GASK1A: variants seen among roughly 807,000 people sequenced by gnomAD.
GASK1A encodes golgi associated kinase 1A.
GASK1A carries 40 observed loss-of-function variants against 41.2 expected under a neutral mutation model. The observed-to-expected ratio is 0.97, with a 90% CI of 0.75 to 1.27. GASK1A has a LOEUF of 1.27. GASK1A is among the 50% of genes most tolerant of loss of function. GASK1A has a pLI of 0.00. For synonymous variants in GASK1A, 316 were observed against 307.1 expected, an observed-to-expected ratio of 1.03 and a Z score of -0.30; for missense variants, 678 against 745.1, an observed-to-expected ratio of 0.91 and a Z score of 1.05.
intron 1 of GASK1A, among the ~76,000 whole-genome samples, chr3:43,030,656 C>G (rs530844520): frequency 1.7e-4 from 26 of 152,234 alleles, no homozygotes; most frequent in Non-Finnish European, 3.5e-4. Context: ...GGCCCCTGCT[C>G]TCTATTTCAT....
At chr3:43,019,456 GC>G (rs2089510581) in intron 1 of GASK1A, among the ~76,000 whole-genome samples, 1 of 152,210 alleles carries the variant, frequency 6.6e-6, no homozygotes, top group Admixed American at 6.5e-5. Flanking sequence ...ATCAAGGAAA[GC>G]AGGGTTGCCT....
chr3:43,016,007 G>A (rs1236248979), intron 1 of GASK1A, among the ~76,000 whole-genome samples: 1 of 151,218 alleles, frequency 6.6e-6, no homozygotes, highest in African/African-American at 2.4e-5. Context: ...GGTTTGGGAA[G>A]TCACATGGAG....
In GASK1A at chr3:43,006,231, G is replaced by A. The variant is rs975255874; in HGVS notation, c.4-26036G>A. Reference sequence around the variant, plus strand: ...CTTTCTTGGTCGGTGCACAGCCGTTGGCTTAGGATCCTCCTTTCCCAGCAT... The same window carrying A: ...CTTTCTTGGTCGGTGCACAGCCGTTAGCTTAGGATCCTCCTTTCCCAGCAT... On this transcript the variant is annotated intron_variant, in intron 1 of 4. Coordinates refer to ENST00000430121, the MANE Select transcript of GASK1A (RefSeq NM_001129908.3). Among the ~76,000 whole-genome samples the A allele has an allele frequency of 2.6e-5, 4 of 152,120 alleles. No individual in the cohort carries two copies. The South Asian group carries it at 6.2e-4, about 24-fold the overall frequency.
chr3:43,021,665 A>T (rs921181660), intron 1 of GASK1A, among the ~76,000 whole-genome samples: 12 of 152,142 alleles, frequency 7.9e-5, no homozygotes, highest in Admixed American at 7.2e-4. Flanking sequence ...TCCTGGAGGG[A>T]GAAGATATCT....
chr3:42,991,055 G>T (rs1360920528), intron 1 of GASK1A, among the ~76,000 whole-genome samples: 1 of 152,154 alleles, frequency 6.6e-6, no homozygotes, highest in Non-Finnish European at 1.5e-5. Flanking sequence ...AAGCAGTGGG[G>T]GTGGGGGCCA....
At chr3:42,981,808 T>C (rs142451027) in intron 1 of GASK1A, among the ~76,000 whole-genome samples, 3 of 152,366 alleles carry the variant, frequency 2.0e-5, no homozygotes, top group Admixed American at 2.0e-4. Context: ...TGATAGATGC[T>C]ATATCATTTC....
At chr3:42,997,637 T>C (rs2125675922) in intron 1 of GASK1A, among the ~76,000 whole-genome samples, 1 of 152,328 alleles carries the variant, frequency 6.6e-6, no homozygotes, top group African/African-American at 2.4e-5. Context: ...TCTCCTCTTC[T>C]TCCCCCTCAT....
In GASK1A at chr3:43,056,573, T is replaced by G; in HGVS notation, c.*187T>G. ...CAATCTCAAAGCGTCCCTTTCTGCC[T>G]TCTCGGCTCTGGCTATTTATTCCCT... On this transcript the variant is annotated 3_prime_UTR_variant, in exon 5 of 5. Transcript: ENST00000430121. The G allele has an allele frequency of 1.8e-6, 1 of 545,458 alleles. No individual in the cohort carries two copies. Among genetic ancestry groups the G allele is most frequent in the Non-Finnish European group, 3.3e-6 (1 of 306,982 alleles). 33.8% of individuals were successfully genotyped at this position (545,458 alleles called of 1,614,324 possible). A position where few individuals can be genotyped will look rare whatever the true frequency, so the allele number is the denominator to read the frequency against.
intron 2 of GASK1A, among the ~76,000 whole-genome samples, chr3:43,042,865 A>G (rs2089644837): frequency 6.6e-6 from 1 of 152,298 alleles, no homozygotes; most frequent in East Asian, 1.9e-4. Flanking sequence ...GAAGCAGTCT[A>G]GGTGTTCCCT....
intron 1 of GASK1A, among the ~76,000 whole-genome samples, chr3:43,020,895 C>T (rs1357892782): frequency 6.6e-6 from 1 of 152,246 alleles, no homozygotes; most frequent in Non-Finnish European, 1.5e-5. Context: ...AAGCAAGTCA[C>T]ATGGCCAAAG....
At chr3:43,006,980 C>T (rs540197426) in intron 1 of GASK1A, among the ~76,000 whole-genome samples, 2 of 151,862 alleles carry the variant, frequency 1.3e-5, no homozygotes, top group Non-Finnish European at 2.9e-5. Context: ...GTTGTGTACC[C>T]CTCAGTATCA....
chr3:42,986,859 G>T (rs918719132), intron 1 of GASK1A, among the ~76,000 whole-genome samples: 41 of 152,172 alleles, frequency 2.7e-4, no homozygotes, highest in African/African-American at 7.0e-4. Flanking sequence ...AGATGTTTGG[G>T]CAGGAGAACC....
intron 1 of GASK1A, among the ~76,000 whole-genome samples, chr3:42,985,584 TGTGG>T: frequency 7.3e-6 from 1 of 136,328 alleles, no homozygotes; most frequent in East Asian, 2.4e-4. Flanking sequence ...TGTGTGTGTG[TGTGG>T]GCGGAGGCAG....
chr3:43,050,296 C>G (rs2089682987), intron 2 of GASK1A, among the ~76,000 whole-genome samples: 2 of 152,066 alleles, frequency 1.3e-5, no homozygotes, highest in African/African-American at 4.8e-5. Context: ...ATATAAAATT[C>G]TTGGTTGACA....
chr3:43,033,646 A>G lies in GASK1A; in HGVS notation c.1290+93A>G, dbSNP rs2089591448. The stretch of plus-strand genomic sequence containing the variant: ...ATTGCCCACCTGAGGTTAGATGGTG[A>G]CTCTCCCCCAAGTCTTGGTTTTTTG... On this transcript the variant is annotated intron_variant, in intron 2 of 4. Transcript: ENST00000430121. 1.5e-5 allele frequency: 18 copies of G among 1,171,894 alleles called. No individual in the cohort carries two copies. The South Asian group carries it at 2.0e-4, about 13-fold the overall frequency. The allele number at this position is 1,171,894 out of a possible 1,614,324, so 72.6% of individuals were successfully genotyped here. A position where few individuals can be genotyped will look rare whatever the true frequency, so the allele number is the denominator to read the frequency against.
In GASK1A at chr3:42,979,338, G is replaced by A. The variant is rs970466852; in HGVS notation, c.-305G>A. 1.4e-5 allele frequency: 5 copies of A among 360,202 alleles called. No individual in the cohort carries two copies. The highest frequency in any genetic ancestry group is 1.0e-4 in the African/African-American group (5 of 47,620). The allele number at this position is 360,202 out of a possible 1,614,324, so 22.3% of individuals were successfully genotyped here. ...TTTGCAAACTCTGCAAAAGTCCCGAGTAGACCGCAGAGGCTCGCGGCCGCG... is the reference window on the plus strand; with the variant it reads ...TTTGCAAACTCTGCAAAAGTCCCGAATAGACCGCAGAGGCTCGCGGCCGCG... On this transcript the variant is annotated 5_prime_UTR_variant, in exon 1 of 5. Transcript: ENST00000430121.
intron 1 of GASK1A, among the ~76,000 whole-genome samples, chr3:43,010,763 ATT>A (rs2089459541): frequency 6.6e-6 from 1 of 152,148 alleles, no homozygotes; most frequent in Non-Finnish European, 1.5e-5. Flanking sequence ...AGCTATTGCC[ATT>A]TGTTCTCCAA....
chr3:43,018,178 CTG>C (rs780426216), intron 1 of GASK1A, among the ~76,000 whole-genome samples: 2 of 152,230 alleles, frequency 1.3e-5, no homozygotes, highest in Non-Finnish European at 2.9e-5. Context: ...TATCCCGAGA[CTG>C]TGGATTCTTC....
chr3:42,979,564 G>C lies in GASK1A; in HGVS notation c.-79G>C. On this transcript the variant is annotated 5_prime_UTR_variant, in exon 1 of 5. Coordinates refer to ENST00000430121, the MANE Select transcript of GASK1A (RefSeq NM_001129908.3). The stretch of plus-strand genomic sequence containing the variant: ...GGAAGCCTGGCGAGCCACGGCGCCG[G>C]GGGCGGCCAAGGGGAGGCGGGATGA... 1 of 1,234,558 alleles carries C rather than the reference G, an allele frequency of 8.1e-7. No homozygotes were observed. Among genetic ancestry groups the C allele is most frequent in the Non-Finnish European group, 1.0e-6 (1 of 985,274 alleles). The allele number at this position is 1,234,558 out of a possible 1,614,324, so 76.5% of individuals were successfully genotyped here.
Sources: gnomAD v4.1 joint callset for allele counts (sites outside exome capture counted in the v4.1 genomes callset) on GRCh38, gnomAD v4.1.1 for gene constraint, MANE v1.5 for transcripts, NCBI Gene and HGNC (gene_info 2026-07-23, HGNC 2026-07-21) for gene names.